Variants in LINC02747 observed in about 807,000 individuals in gnomAD.
The protein encoded by LINC02747 is CCND1-upstream intergenic DNA repair 2.
chr11:69,479,042 G>C (rs970314188), intron 1 of LINC02747, among the ~76,000 whole-genome samples: 1 of 152,078 alleles, frequency 6.6e-6, no homozygotes, highest in Admixed American at 6.6e-5. Flanking sequence ...ATAACTTGAG[G>C]TCAGGAGTTC....
intron 1 of LINC02747, among the ~76,000 whole-genome samples, chr11:69,480,786 C>A (rs1857041558): frequency 6.6e-6 from 1 of 152,220 alleles, no homozygotes; most frequent in Non-Finnish European, 1.5e-5. Flanking sequence ...TCCCTGCTGA[C>A]CTCATCATGT....
chr11:69,478,902 T>C (rs1857020639), intron 1 of LINC02747, among the ~76,000 whole-genome samples: 1 of 151,344 alleles, frequency 6.6e-6, no homozygotes, highest in African/African-American at 2.4e-5. Flanking sequence ...CAAGATATCA[T>C]AATAAGTTTT....
intron 1 of LINC02747, among the ~76,000 whole-genome samples, chr11:69,478,694 G>A (rs1857018334): frequency 6.6e-6 from 1 of 151,968 alleles, no homozygotes; most frequent in Non-Finnish European, 1.5e-5. Flanking sequence ...AATTAGCCTG[G>A]TGTGGTGGTG....
rs1240746871 is a variant in LINC02747 at position 69,480,332 on chromosome 11, G to C, written n.120+1094C>G. The stretch of plus-strand genomic sequence containing the variant: ...GGACCCCGTCAGCTTCCCAGGGAGA[G>C]TTCCCAGGAGTCTGTGCTGGCGTGG... On this transcript the variant is annotated intron_variant and non_coding_transcript_variant, in intron 1 of 1. Transcript: ENST00000645449. 2.6e-5 allele frequency among the ~76,000 whole-genome samples: 4 copies of C among 152,214 alleles called. No homozygotes were observed. The East Asian group carries it at 7.7e-4, about 29-fold the overall frequency.
chr11:69,478,713 T>C (rs1198903318), intron 1 of LINC02747, among the ~76,000 whole-genome samples: 1 of 152,048 alleles, frequency 6.6e-6, no homozygotes, highest in Admixed American at 6.6e-5. Context: ...TGAGCACCTG[T>C]AATTCCAGCT....
exon 2 of LINC02747, chr11:69,477,262 C>G (rs942748474): frequency 6.6e-6 from 1 of 152,240 alleles, no homozygotes; most frequent in Non-Finnish European, 1.5e-5. Flanking sequence ...GGACTCACTG[C>G]CCGCGTTCAA....
exon 2 of LINC02747, chr11:69,477,041 G>C (rs1375824031): frequency 6.6e-6 from 1 of 152,276 alleles, no homozygotes; most frequent in Non-Finnish European, 1.5e-5. Context: ...TGCTGGGACT[G>C]AGTGAGCATT....
exon 2 of LINC02747, chr11:69,476,263 G>C (rs1002197928): frequency 1.3e-5 from 2 of 152,218 alleles, no homozygotes; most frequent in African/African-American, 4.8e-5. Flanking sequence ...CAGCCAAAAC[G>C]CTTCCCGGCT....
exon 2 of LINC02747, chr11:69,476,745 T>C (rs1007453732): frequency 3.3e-5 from 5 of 152,244 alleles, no homozygotes; most frequent in Admixed American, 2.6e-4. Flanking sequence ...GATTACAGCC[T>C]GTGCACCGAG....
At chr11:69,480,117 C>T (rs1036454731) in intron 1 of LINC02747, among the ~76,000 whole-genome samples, 3 of 152,218 alleles carry the variant, frequency 2.0e-5, no homozygotes, top group South Asian at 2.1e-4. Context: ...GCTGGCTCAA[C>T]GGCTTTATCT....
At chr11:69,481,209 G>A (rs1201350489) in intron 1 of LINC02747, among the ~76,000 whole-genome samples, 3 of 152,194 alleles carry the variant, frequency 2.0e-5, no homozygotes, top group South Asian at 2.1e-4. Context: ...CCACTCAGCC[G>A]ATCTAGCGGT....
exon 2 of LINC02747, chr11:69,475,868 A>C (rs1029136614): frequency 6.6e-6 from 1 of 152,108 alleles, no homozygotes; most frequent in African/African-American, 2.4e-5. Flanking sequence ...AGGCTTCAAC[A>C]TATGTATTTA....
chr11:69,478,853 G>A (rs764932670), intron 1 of LINC02747, among the ~76,000 whole-genome samples: 23 of 152,072 alleles, frequency 1.5e-4, no homozygotes, highest in Non-Finnish European at 2.2e-4. Context: ...GTGACAGAGC[G>A]AGACTCTGTC....
At chr11:69,477,084 A>G (rs1400539722) in exon 2 of LINC02747, 2 of 152,232 alleles carry the variant, frequency 1.3e-5, no homozygotes, top group African/African-American at 4.8e-5. Flanking sequence ...GCTGTCTGCA[A>G]AGCGTTTTAG....
chr11:69,479,137 C>T (rs757846724), intron 1 of LINC02747, among the ~76,000 whole-genome samples: 42 of 150,740 alleles, frequency 2.8e-4, no homozygotes, highest in Non-Finnish European at 5.8e-4. Context: ...CACCTGCAAT[C>T]CCAGCTACTC....
At chr11:69,480,481 G>A (rs1244823682) in intron 1 of LINC02747, among the ~76,000 whole-genome samples, 2 of 152,186 alleles carry the variant, frequency 1.3e-5, no homozygotes, top group African/African-American at 2.4e-5. Context: ...AGGGCTGGAG[G>A]GCTCTCAGAC....
chr11:69,478,628 T>C (rs1440167261), intron 1 of LINC02747, among the ~76,000 whole-genome samples: 2 of 150,124 alleles, frequency 1.3e-5, no homozygotes, highest in Non-Finnish European at 3.0e-5. Flanking sequence ...AGGATCACCC[T>C]GGGGTCAGGA....
intron 1 of LINC02747, among the ~76,000 whole-genome samples, chr11:69,479,090 A>G (rs1488909579): frequency 5.9e-5 from 9 of 151,742 alleles, no homozygotes; most frequent in Non-Finnish European, 8.8e-5. Context: ...CCCTGTCTCT[A>G]CTAAAAATAC....
chr11:69,477,204 TG>T (rs1857003933), exon 2 of LINC02747: 1 of 152,258 alleles, frequency 6.6e-6, no homozygotes, highest in African/African-American at 2.4e-5. Flanking sequence ...TTCGCAAGCC[TG>T]AATGCAGGTG....
Sources: gnomAD v4.1 joint callset for allele counts (sites outside exome capture counted in the v4.1 genomes callset) on GRCh38, gnomAD v4.1.1 for gene constraint, MANE v1.5 for transcripts, NCBI Gene and HGNC (gene_info 2026-07-23, HGNC 2026-07-21) for gene names.